The following NABP2 variants were observed in gnomAD, a reference collection of about 807,000 sequenced individuals.
NABP2 encodes the protein SOSS complex subunit B1.
Under a neutral mutation model 22.7 loss-of-function variants are expected in NABP2, and 7 were observed. The observed-to-expected ratio is 0.31, with a 90% CI of 0.18 to 0.58. NABP2 has a LOEUF of 0.58. NABP2 is among the 20% of genes least tolerant of loss of function. The pLI, the probability that NABP2 is intolerant of heterozygous loss-of-function variation, is 0.89. For synonymous variants in NABP2, 107 were observed against 99.2 expected (o/e 1.08, Z -0.47); for missense variants, 188 against 265.9 (o/e 0.71, Z 2.04).
At position 56,225,376 on chromosome 12, in the gene NABP2, G is replaced by C; in HGVS notation, c.83G>C (p.Arg28Pro). Residue 28 changes from arginine to proline, a missense_variant, in exon 3 of 7, where the codon CGA becomes CCA. Arg to Pro is a moderately radical substitution (Grantham distance 103). Transcript: ENST00000267023. ...TCGATTTATCTGTTCCGTTCAGGCC[G>C]AGTGACCAAGACAAAGGACGGGCAT... The part of the protein sequence containing the change: ...NLIFIVLETG[R>P]VTKTKDGHEV... The C allele has an allele frequency of 1.2e-6, 2 of 1,614,178 alleles. No individual in the cohort carries two copies. The highest frequency in any genetic ancestry group is 2.2e-5 in the East Asian group (1 of 44,884).
intron 4 of NABP2, 105 bp from the exon 5 acceptor site, chr12:56,226,074 T>A (rs574774041): frequency 1.0e-6 from 1 of 990,352 alleles, no homozygotes; most frequent in East Asian, 2.5e-5. Flanking sequence ...AGTGCTAGGA[T>A]TACAGGTGTG....
chr12:56,223,609 G>T (rs1869613506), upstream of NABP2: 2 of 151,592 alleles, frequency 1.3e-5, no homozygotes, highest in Non-Finnish European at 2.9e-5. Flanking sequence ...AGAAGGGTGA[G>T]CCTGCCTTTT....
intron 6 of NABP2, among the ~76,000 whole-genome samples, chr12:56,227,355 G>A (rs868665709): frequency 4.1e-5 from 6 of 146,620 alleles, no homozygotes; most frequent in African/African-American, 1.6e-4. Context: ...CAGCTTGCGC[G>A]ACAGTGAGAC....
chr12:56,229,087 T>TTGCCGCCCC lies in NABP2; in HGVS notation c.510_511insTGCCGCCCC (p.Thr170_Pro171insCysArgPro). ...GTGGTGGCCCACATCCCCCTCATACTCCCTCCCACCCACCCAGCACCCGAA... is the reference window on the plus strand; with the variant it reads ...GTGGTGGCCCACATCCCCCTCATACTTGCCGCCCCCCCTCCCACCCACCCAGCACCCGAA... On this transcript the variant is annotated inframe_insertion, in exon 7 of 7. Transcript: ENST00000267023. 7.9e-6 allele frequency: 12 copies of TTGCCGCCCC among 1,512,320 alleles called. No individual in the cohort carries two copies. The highest frequency in any genetic ancestry group is 1.0e-5 in the Non-Finnish European group (11 of 1,101,990). The allele number at this position is 1,512,320 out of a possible 1,614,324, so 93.7% of individuals were successfully genotyped here.
rs533000652 is a variant in NABP2, at chr12:56,228,893, A to G, written c.437-121A>G. On this transcript the variant is annotated intron_variant, in intron 6 of 6. Transcript: ENST00000267023. Reference sequence around the variant, plus strand: ...GTCTTTTGCATTTGGTCCAGTTGGCATTAAGATGCAGTTGTGCATGGTGAA... The same window carrying G: ...GTCTTTTGCATTTGGTCCAGTTGGCGTTAAGATGCAGTTGTGCATGGTGAA... The G allele has an allele frequency of 6.7e-6, 6 of 900,664 alleles. No homozygotes were observed. The Admixed American group carries it at 1.2e-4, about 19-fold the overall frequency. 55.8% of individuals were successfully genotyped at this position (900,664 alleles called of 1,614,324 possible). A position where few individuals can be genotyped will look rare whatever the true frequency, so the allele number is the denominator to read the frequency against.
At chr12:56,224,786 G>C in intron 1 of NABP2, 48 bp from the exon 2 acceptor site, 1 of 1,527,764 alleles carries the variant, frequency 6.5e-7, no homozygotes, top group Non-Finnish European at 9.0e-7. Context: ...TGGAGCATGG[G>C]GGCAAAGGAT....
In NABP2 at chr12:56,226,728, G is replaced by A. The variant is rs1379272390; in HGVS notation, c.436+309G>A. On this transcript the variant is annotated intron_variant, in intron 6 of 6. Coordinates refer to ENST00000267023, the MANE Select transcript of NABP2 (RefSeq NM_024068.4). ...TTACAGGCACCTGCCACCATGCCCG[G>A]CTAATTTTTTTTTTTTTGAGATGGA... is the stretch of plus-strand genomic sequence containing the variant. 2.0e-3 allele frequency among the ~76,000 whole-genome samples: 29 copies of A among 14,640 alleles called. 1 individual carries two copies. In the South Asian group the frequency reaches 0.026, roughly 13 times the overall value. 9.6% of individuals were successfully genotyped at this position (14,640 alleles called of 152,430 possible). A position where few individuals can be genotyped will look rare whatever the true frequency, so the allele number is the denominator to read the frequency against.
At chr12:56,225,009 T>A in intron 2 of NABP2, 74 bp downstream of exon 2, 2 of 1,144,846 alleles carry the variant, frequency 1.7e-6, no homozygotes, top group Non-Finnish European at 2.6e-6. Flanking sequence ...TCTGCGTTCT[T>A]AACTTGCTAT....
At position 56,224,825 on chromosome 12, in the gene NABP2, C is replaced by T. The variant is rs913507493; in HGVS notation, c.-23-9C>T. 4 of 1,609,974 alleles carry T rather than the reference C, an allele frequency of 2.5e-6. No individual in the cohort carries two copies. Among genetic ancestry groups the T allele is most frequent in the Non-Finnish European group, 3.4e-6 (4 of 1,177,504 alleles). ...AGCATTGAGCCTTCATCCTCTATTC[C>T]CCATCCAGTGGGGTGCCGAGGCTCA... On this transcript the variant is annotated splice_polypyrimidine_tract_variant and intron_variant, in intron 1 of 6. Coordinates refer to ENST00000267023, the MANE Select transcript of NABP2 (RefSeq NM_024068.4).
chr12:56,224,268 C>A, upstream of NABP2: 8 of 938,296 alleles, frequency 8.5e-6, no homozygotes, highest in Non-Finnish European at 1.0e-5. Flanking sequence ...GGGCAGGCGG[C>A]GGGACGCAGG....
intron 6 of NABP2, 121 bp downstream of exon 6, chr12:56,226,540 C>G (rs1288578698): frequency 1.6e-5 from 12 of 739,992 alleles, no homozygotes; most frequent in East Asian, 2.7e-5. Context: ...CCTCCTTCAC[C>G]CAATTCTCCC....
chr12:56,227,735 G>A (rs1373282162), intron 6 of NABP2, among the ~76,000 whole-genome samples: 2 of 152,076 alleles, frequency 1.3e-5, no homozygotes, highest in African/African-American at 2.4e-5. Context: ...CATTGCTTGA[G>A]CAAGGAGTTT....
chr12:56,225,744 G>T, intron 4 of NABP2, 49 bp downstream of exon 4: 1 of 1,587,632 alleles, frequency 6.3e-7, no homozygotes. Context: ...GGGCAAAGGG[G>T]TTTGCAAGGA....
intron 6 of NABP2, among the ~76,000 whole-genome samples, chr12:56,227,681 G>A (rs569123854): frequency 6.6e-6 from 1 of 152,162 alleles, no homozygotes; most frequent in African/African-American, 2.4e-5. Flanking sequence ...AGACGCAGCG[G>A]TGCACACCCA....
At position 56,224,646 on chromosome 12, in the gene NABP2, T is replaced by C. The variant is rs1869674698; in HGVS notation, c.-23-188T>C. ...GGCCTTCCAGCCCCAAAGCAGCCTG[T>C]CCAGAGACCCCCAAATTCTGATCCT... On this transcript the variant is annotated intron_variant, in intron 1 of 6. Coordinates refer to ENST00000267023, the MANE Select transcript of NABP2 (RefSeq NM_024068.4). The C allele has an allele frequency of 4.8e-6, 5 of 1,034,922 alleles. No homozygotes were observed. In the South Asian group the frequency reaches 9.6e-5, roughly 20 times the overall value. 64.1% of individuals were successfully genotyped at this position (1,034,922 alleles called of 1,614,324 possible). A position where few individuals can be genotyped will look rare whatever the true frequency, so the allele number is the denominator to read the frequency against.
chr12:56,225,327 C>T, intron 2 of NABP2, 46 bp from the exon 3 acceptor site: 2 of 1,612,414 alleles, frequency 1.2e-6, no homozygotes, highest in Non-Finnish European at 1.7e-6. Context: ...GATACCACTC[C>T]ATTTATTTGA....
chr12:56,222,038 G>A (rs542395771), upstream of NABP2: 16 of 152,526 alleles, frequency 1.0e-4, no homozygotes, highest in East Asian at 2.7e-3. Context: ...CTACGAGGAG[G>A]GACGAAGGCT....
chr12:56,224,947 G>C lies in NABP2; in HGVS notation c.79+12G>C. On this transcript the variant is annotated intron_variant, in intron 2 of 6. Transcript: ENST00000267023. The stretch of plus-strand genomic sequence containing the variant: ...TGTGCTGGAGACAGGTGTCTATACT[G>C]GGGTGGCGGGTTCGCGGGATGGGGG... 1 of 1,587,514 alleles carries C rather than the reference G, an allele frequency of 6.3e-7. No individual in the cohort carries two copies. Among genetic ancestry groups the C allele is most frequent in the East Asian group, 2.3e-5 (1 of 44,230 alleles).
At chr12:56,224,981 A>C in intron 2 of NABP2, 46 bp downstream of exon 2, 6 of 1,300,506 alleles carry the variant, frequency 4.6e-6, no homozygotes, top group Non-Finnish European at 6.6e-6. Context: ...GGTCGGGGGC[A>C]GGAGGGGAAG....
Sources: gnomAD v4.1 joint callset for allele counts (sites outside exome capture counted in the v4.1 genomes callset) on GRCh38, gnomAD v4.1.1 for gene constraint, MANE v1.5 for transcripts, NCBI Gene and HGNC (gene_info 2026-07-23, HGNC 2026-07-21) for gene names.